The following FAM167A variants were observed in gnomAD, a reference collection of about 807,000 sequenced individuals.
The protein encoded by FAM167A is protein FAM167A.
FAM167A carries 23 observed loss-of-function variants against 14.9 expected under a neutral mutation model. The ratio of observed to expected loss-of-function variants is 1.55; its 90% CI spans 1.11 to 2.19. The LOEUF is 2.19. FAM167A is among the 30% of genes most tolerant of loss of function. The probability of loss-of-function intolerance (pLI) is 0.00; values close to 1 mark genes in which losing one functional copy is unlikely to be tolerated. For missense variants in FAM167A, 401 were observed against 281.5 expected (o/e 1.42, Z -3.04); for synonymous variants, 174 against 117.7 (o/e 1.48, Z -3.10).
At chr8:11,431,892 G>GC (rs1805619895) in intron 2 of FAM167A, among the ~76,000 whole-genome samples, 2 of 12,698 alleles carry the variant, frequency 1.6e-4, no homozygotes, top group Non-Finnish European at 2.9e-4. Flanking sequence ...GGACCAATTG[G>GC]CAAAAAAAAA....
Position 11,422,306 on chromosome 8 carries a change from G to A in FAM167A, c.*2067C>T, listed in dbSNP as rs996053789. ...AATTTGGCATTTTTTCAGAATATGG[G>A]ATGGGCTTTCCTGCATGGGTTCAAG... is the stretch of plus-strand genomic sequence containing the variant. On this transcript the variant is annotated 3_prime_UTR_variant, in exon 3 of 3. Transcript: ENST00000284486. 1.3e-5 allele frequency: 2 copies of A among 152,936 alleles called. No homozygotes were observed. The highest frequency in any genetic ancestry group is 2.4e-5 in the African/African-American group (1 of 41,374). The allele number at this position is 152,936 out of a possible 1,614,324, so 9.5% of individuals were successfully genotyped here. A position where few individuals can be genotyped will look rare whatever the true frequency, so the allele number is the denominator to read the frequency against.
rs1480297672 is a variant in FAM167A, at chr8:11,423,188, G to T, written c.*1185C>A. 1 of 152,168 alleles carries T rather than the reference G, an allele frequency of 6.6e-6. No individual in the cohort carries two copies. The highest frequency in any genetic ancestry group is 2.4e-5 in the African/African-American group (1 of 41,408). 9.4% of individuals were successfully genotyped at this position (152,168 alleles called of 1,614,324 possible). ...ACACTCCTTATCTCAGGATTCTACG[G>T]GTCTGGCCGAGGGACCCCTGCCATG... On this transcript the variant is annotated 3_prime_UTR_variant, in exon 3 of 3. Coordinates refer to ENST00000284486, the MANE Select transcript of FAM167A (RefSeq NM_053279.3).
rs1471718148 is a variant in FAM167A, at chr8:11,444,755, C to A, written c.-344G>T. ...TGAACGCACTCGAAGACCAGACTGG[C>A]AGGAAGAAGGCCCAGAGCTCTCTCT... On this transcript the variant is annotated 5_prime_UTR_variant, in exon 2 of 3. Transcript: ENST00000284486. 2 of 1,037,716 alleles carry A rather than the reference C, an allele frequency of 1.9e-6. No individual in the cohort carries two copies. The highest frequency in any genetic ancestry group is 1.7e-5 in the African/African-American group (1 of 59,110). The allele number at this position is 1,037,716 out of a possible 1,614,324, so 64.3% of individuals were successfully genotyped here.
At chr8:11,428,807 T>C (rs548949296) in intron 2 of FAM167A, among the ~76,000 whole-genome samples, 5 of 152,280 alleles carry the variant, frequency 3.3e-5, no homozygotes, top group African/African-American at 1.2e-4. Flanking sequence ...CAAAGGTGAC[T>C]TTGCACCTTA....
intron 1 of FAM167A, among the ~76,000 whole-genome samples, chr8:11,447,629 C>A (rs960212901): frequency 2.4e-4 from 36 of 152,200 alleles, no homozygotes; most frequent in African/African-American, 8.4e-4. Context: ...GAGGCTAGGG[C>A]AGGTGAAGTG....
intron 2 of FAM167A, among the ~76,000 whole-genome samples, chr8:11,439,258 G>A (rs1436937423): frequency 6.6e-6 from 1 of 152,260 alleles, no homozygotes; most frequent in East Asian, 1.9e-4. Context: ...TAGTGTATAT[G>A]GAAGGTTCCC....
intron 2 of FAM167A, chr8:11,438,126 G>A (rs940315569): frequency 2.6e-5 from 12 of 456,516 alleles, no homozygotes; most frequent in South Asian, 1.2e-4. Flanking sequence ...AGTGGAGGCC[G>A]GTAGTGCTGA....
rs532020061 is a variant in FAM167A at position 11,461,377 on chromosome 8, C to G, written c.-398+5249G>C. On this transcript the variant is annotated intron_variant, in intron 1 of 2. Transcript: ENST00000284486. ...GACAAGGCAGGGATGCCCAGACGGG[C>G]TAAGGCAGCCTGCTGCCGCCCCGCC... is the stretch of plus-strand genomic sequence containing the variant. Among the ~76,000 whole-genome samples the G allele has an allele frequency of 6.2e-3, 945 of 152,392 alleles. 9 individuals are homozygous for G. The highest frequency in any genetic ancestry group is 0.022 in the African/African-American group (900 of 41,602).
chr8:11,426,039 G>T (rs1302710570), intron 2 of FAM167A, among the ~76,000 whole-genome samples: 1 of 152,074 alleles, frequency 6.6e-6, no homozygotes, highest in African/African-American at 2.4e-5. Context: ...TTCTCTAAAG[G>T]CTTCTACCTG....
intron 1 of FAM167A, among the ~76,000 whole-genome samples, chr8:11,456,357 GGTGT>G (rs1197591653): frequency 5.6e-5 from 1 of 17,828 alleles, no homozygotes; most frequent in African/African-American, 2.0e-4. Flanking sequence ...TGCCCTGCTG[GGTGT>G]GTGTGTGGGG....
intron 1 of FAM167A, among the ~76,000 whole-genome samples, chr8:11,451,644 C>T (rs1585268314): frequency 6.6e-6 from 1 of 152,174 alleles, no homozygotes; most frequent in Non-Finnish European, 1.5e-5. Context: ...CCCTGGTGAC[C>T]AGGTGTGAGC....
intron 1 of FAM167A, among the ~76,000 whole-genome samples, chr8:11,447,846 T>A (rs1038636811): frequency 6.6e-6 from 1 of 152,228 alleles, no homozygotes; most frequent in Non-Finnish European, 1.5e-5. Flanking sequence ...CCGGAACGAC[T>A]ACATAATTCA....
intron 1 of FAM167A, among the ~76,000 whole-genome samples, chr8:11,462,010 C>T (rs903599815): frequency 1.3e-5 from 2 of 152,212 alleles, no homozygotes; most frequent in Non-Finnish European, 2.9e-5. Flanking sequence ...TTGGACTGCC[C>T]AGTGCAGCCT....
intron 2 of FAM167A, among the ~76,000 whole-genome samples, chr8:11,428,577 G>C (rs1243823976): frequency 6.6e-6 from 1 of 152,236 alleles, no homozygotes; most frequent in Non-Finnish European, 1.5e-5. Context: ...TCCTCAGTGG[G>C]CTTTGGTTCT....
chr8:11,440,131 C>T (rs897180897), intron 2 of FAM167A, among the ~76,000 whole-genome samples: 33 of 152,206 alleles, frequency 2.2e-4, no homozygotes, highest in African/African-American at 8.0e-4. Context: ...TGCAGCTGCA[C>T]AACGGCCACT....
chr8:11,452,955 A>C (rs978321348), intron 1 of FAM167A, among the ~76,000 whole-genome samples: 1 of 152,212 alleles, frequency 6.6e-6, no homozygotes, highest in Non-Finnish European at 1.5e-5. Context: ...CCCAGAACAC[A>C]GATCTGCTGC....
At chr8:11,449,070 A>T (rs1270542605) in intron 1 of FAM167A, among the ~76,000 whole-genome samples, 1 of 152,250 alleles carries the variant, frequency 6.6e-6, no homozygotes, top group Non-Finnish European at 1.5e-5. Context: ...TGCCCCCAGC[A>T]CAGCCAGATG....
At chr8:11,460,538 G>T (rs1325563614) in intron 1 of FAM167A, among the ~76,000 whole-genome samples, 1 of 152,230 alleles carries the variant, frequency 6.6e-6, no homozygotes, top group African/African-American at 2.4e-5. Flanking sequence ...GCAGAGCCCG[G>T]TTTGCAGTGT....
chr8:11,424,690 C>T, intron 2 of FAM167A, 54 bp from the exon 3 acceptor site: 1 of 1,595,642 alleles, frequency 6.3e-7, no homozygotes. Flanking sequence ...GAGTCCCTGA[C>T]AGGCACAGAC....
Sources: gnomAD v4.1 joint callset for allele counts (sites outside exome capture counted in the v4.1 genomes callset) on GRCh38, gnomAD v4.1.1 for gene constraint, MANE v1.5 for transcripts, NCBI Gene and HGNC (gene_info 2026-07-23, HGNC 2026-07-21) for gene names.